Variants in DISC1 observed in about 807,000 individuals in gnomAD.
The protein encoded by DISC1 is DISC1 scaffold protein.
In DISC1, 57 loss-of-function variants were observed where a neutral mutation model predicts 84.5. The observed-to-expected ratio is 0.67, with a 90% confidence interval of 0.55 to 0.84. The LOEUF (loss-of-function observed/expected upper bound fraction) is 0.84, where lower values mean the gene tolerates loss of function less well. Among genes scored for constraint, DISC1 ranks in the 40% least tolerant of loss-of-function variants. The pLI, the probability that DISC1 is intolerant of heterozygous loss-of-function variation, is 0.00. For missense variants in DISC1, 1,000 were observed against 1,057.8 expected (o/e 0.95, Z 0.76); for synonymous variants, 411 against 415.2 (o/e 0.99, Z 0.12).
At chr1:231,999,135 T>C (rs954795764) in intron 10 of DISC1, among the ~76,000 whole-genome samples, 3 of 151,638 alleles carry the variant, frequency 2.0e-5, no homozygotes, top group African/African-American at 4.8e-5. Flanking sequence ...AGAAAAAAAA[T>C]AAAATGTTTA....
At chr1:232,016,634 G>A (rs1668513063) in intron 11 of DISC1, among the ~76,000 whole-genome samples, 1 of 152,134 alleles carries the variant, frequency 6.6e-6, no homozygotes, top group Non-Finnish European at 1.5e-5. Flanking sequence ...GAAACCACAG[G>A]CCAATTAACA....
intron 4 of DISC1, among the ~76,000 whole-genome samples, chr1:231,762,706 C>T (rs547686050): frequency 1.8e-4 from 28 of 151,888 alleles, no homozygotes; most frequent in African/African-American, 5.5e-4. Flanking sequence ...TTCATTTTCC[C>T]GATACAAACA....
At chr1:231,752,599 A>G (rs897916414) in intron 4 of DISC1, among the ~76,000 whole-genome samples, 5 of 152,212 alleles carry the variant, frequency 3.3e-5, no homozygotes, top group African/African-American at 1.2e-4. Context: ...AAACCATATC[A>G]TTCCACCCAT....
chr1:231,762,737 A>G (rs1225212967), intron 4 of DISC1, among the ~76,000 whole-genome samples: 1 of 152,042 alleles, frequency 6.6e-6, no homozygotes, highest in Non-Finnish European at 1.5e-5. Context: ...GGGGAGATCA[A>G]CAGCAAGCTT....
At chr1:231,970,612 C>T (rs955179116) in intron 10 of DISC1, among the ~76,000 whole-genome samples, 30 of 152,202 alleles carry the variant, frequency 2.0e-4, no homozygotes, top group African/African-American at 6.7e-4. Context: ...TAATCAAATG[C>T]GGTGGTGTTT....
At chr1:231,839,191 C>T (rs192007223) in intron 9 of DISC1, among the ~76,000 whole-genome samples, 24 of 152,164 alleles carry the variant, frequency 1.6e-4, no homozygotes, top group Admixed American at 6.5e-4. Flanking sequence ...ACTCAGAGGT[C>T]GGAGGAACGT....
chr1:231,717,984 T>A (rs1166424960), intron 3 of DISC1, among the ~76,000 whole-genome samples: 4 of 152,174 alleles, frequency 2.6e-5, no homozygotes. Flanking sequence ...CAGCTCCTCT[T>A]GCCATATCCC....
At chr1:231,722,792 A>G (rs921980237) in intron 3 of DISC1, 11 of 1,450,674 alleles carry the variant, frequency 7.6e-6, no homozygotes, top group Non-Finnish European at 9.9e-6. Flanking sequence ...GATGCTGGCC[A>G]TGGGCTTGAA....
At chr1:231,951,654 T>A (rs1658386179) in intron 9 of DISC1, among the ~76,000 whole-genome samples, 1 of 152,184 alleles carries the variant, frequency 6.6e-6, no homozygotes, top group South Asian at 2.1e-4. Flanking sequence ...TTATTAGTCA[T>A]CTATTGATGT....
chr1:231,864,556 A>G (rs2084920036), intron 9 of DISC1, among the ~76,000 whole-genome samples: 1 of 152,148 alleles, frequency 6.6e-6, no homozygotes, highest in Non-Finnish European at 1.5e-5. Context: ...CCAGCTACGC[A>G]GGACGCTGAG....
Position 232,038,270 on chromosome 1 carries a change from G to C in DISC1, c.*1439G>C, listed in dbSNP as rs553831759. ...TCAGTGCAGTACTCAGTAATGCAAG[G>C]GCATTTCAGGCTCCTGCTGGGCTGC... On this transcript the variant is annotated 3_prime_UTR_variant, in exon 13 of 13. Coordinates refer to ENST00000439617, the MANE Select transcript of DISC1 (RefSeq NM_018662.3). 1 of 152,248 alleles carries C rather than the reference G, an allele frequency of 6.6e-6. No homozygotes were observed. Among genetic ancestry groups the C allele is most frequent in the South Asian group, 2.1e-4 (1 of 4,822 alleles). 9.4% of individuals were successfully genotyped at this position (152,248 alleles called of 1,614,324 possible).
chr1:231,761,711 A>G (rs1483017045), intron 4 of DISC1, among the ~76,000 whole-genome samples: 1 of 152,242 alleles, frequency 6.6e-6, no homozygotes, highest in African/African-American at 2.4e-5. Flanking sequence ...AGAAACTTGT[A>G]CTATTAGCAT....
intron 9 of DISC1, among the ~76,000 whole-genome samples, chr1:231,823,762 C>T (rs1036329756): frequency 2.0e-5 from 3 of 152,122 alleles, no homozygotes; most frequent in Non-Finnish European, 4.4e-5. Flanking sequence ...AGCATGTTAT[C>T]CGATGGTTGT....
At chr1:231,863,768 C>T (rs2084850155) in intron 9 of DISC1, among the ~76,000 whole-genome samples, 1 of 152,178 alleles carries the variant, frequency 6.6e-6, no homozygotes, top group Non-Finnish European at 1.5e-5. Context: ...GGTTTCTCAT[C>T]TCCGTAAGAA....
intron 9 of DISC1, among the ~76,000 whole-genome samples, chr1:231,886,795 C>CTT (rs2086766088): frequency 7.0e-6 from 1 of 142,326 alleles, no homozygotes; most frequent in Admixed American, 7.1e-5. Flanking sequence ...TTCTTTCTTT[C>CTT]TTTCTTTCTT....
rs971449085 is a variant in DISC1, at chr1:231,670,834, G to C, written c.68-22992G>C. ...TCATGATTTATTGCTTGCTTGTTGG[G>C]ATTTCACCATCTAGAGGTTTTTAAT... is the stretch of plus-strand genomic sequence containing the variant. On this transcript the variant is annotated intron_variant, in intron 1 of 12. Coordinates refer to ENST00000439617, the MANE Select transcript of DISC1 (RefSeq NM_018662.3). The C allele has an allele frequency of 2.0e-5, 3 of 152,290 alleles. No individual in the cohort carries two copies. In the South Asian group the frequency reaches 6.2e-4, roughly 32 times the overall value. 9.4% of individuals were successfully genotyped at this position (152,290 alleles called of 1,614,324 possible).
chr1:231,908,974 C>T (rs1032727926), intron 9 of DISC1, among the ~76,000 whole-genome samples: 1 of 152,110 alleles, frequency 6.6e-6, no homozygotes, highest in African/African-American at 2.4e-5. Flanking sequence ...CTCTGTTTGT[C>T]TGTTATTGGT....
At chr1:231,780,443 A>G (rs1458700022) in intron 6 of DISC1, among the ~76,000 whole-genome samples, 6 of 151,574 alleles carry the variant, frequency 4.0e-5, no homozygotes, top group African/African-American at 1.2e-4. Context: ...AGAAATGCAA[A>G]TCAAAACCAC....
chr1:232,020,034 A>G (rs550080815), intron 11 of DISC1, among the ~76,000 whole-genome samples: 2 of 152,076 alleles, frequency 1.3e-5, no homozygotes, highest in East Asian at 1.9e-4. Flanking sequence ...TTCCATCACC[A>G]CTTTGCCCAA....
Sources: gnomAD v4.1 joint callset for allele counts (sites outside exome capture counted in the v4.1 genomes callset) on GRCh38, gnomAD v4.1.1 for gene constraint, MANE v1.5 for transcripts, NCBI Gene and HGNC (gene_info 2026-07-23, HGNC 2026-07-21) for gene names.